Variants in ASIC2 observed in about 807,000 individuals in gnomAD.
ASIC2 encodes the protein acid-sensing ion channel 2.
ASIC2 carries 25 observed loss-of-function variants against 57.3 expected under a neutral mutation model. That is an observed-to-expected ratio of 0.44 (90% CI 0.32 to 0.61). The LOEUF (loss-of-function observed/expected upper bound fraction) is 0.61. ASIC2 is among the 20% of genes least tolerant of loss of function. The pLI, the probability that ASIC2 is intolerant of heterozygous loss-of-function variation, is 0.06. For synonymous variants in ASIC2, 319 were observed against 307.5 expected (o/e 1.04, Z -0.39); for missense variants, 641 against 738.1 (o/e 0.87, Z 1.52).
intron 1 of ASIC2, among the ~76,000 whole-genome samples, chr17:33,836,370 T>C (rs1913275477): frequency 6.6e-6 from 1 of 151,836 alleles, no homozygotes; most frequent in African/African-American, 2.4e-5. Flanking sequence ...TTTTTAGAGA[T>C]GGGATTTCAC....
At chr17:33,987,654 TAACCAACC>T (rs61329146) in intron 1 of ASIC2, among the ~76,000 whole-genome samples, 1 of 151,502 alleles carries the variant, frequency 6.6e-6, no homozygotes, top group Non-Finnish European at 1.5e-5. Flanking sequence ...ACCAACCAAC[TAACCAACC>T]AACCAACCAA....
In ASIC2 at chr17:33,120,445, TCTC is replaced by T. The variant is rs542955505; in HGVS notation, c.709-8381_709-8379del. ...GGGAACAACAGGCAAATCTTAGTGTTCTCCTTCAATTGTGTGGACAAATGTGTT... is the reference window on the plus strand; with the variant it reads ...GGGAACAACAGGCAAATCTTAGTGTTCTTCAATTGTGTGGACAAATGTGTT... On this transcript the variant is annotated intron_variant, in intron 1 of 9. Coordinates refer to ENST00000225823, the MANE Select transcript of ASIC2 (RefSeq NM_183377.2). Among the ~76,000 whole-genome samples the T allele has an allele frequency of 4.6e-5, 7 of 152,294 alleles. No homozygotes were observed. The East Asian group carries it at 1.2e-3, about 25-fold the overall frequency.
intron 1 of ASIC2, among the ~76,000 whole-genome samples, chr17:34,150,230 C>A (rs1466565902): frequency 6.6e-6 from 1 of 152,058 alleles, no homozygotes; most frequent in African/African-American, 2.4e-5. Flanking sequence ...TTACTGGGGA[C>A]TGGGGAGTGG....
chr17:33,177,329 C>T (rs1379565453), intron 1 of ASIC2, among the ~76,000 whole-genome samples: 2 of 152,174 alleles, frequency 1.3e-5, no homozygotes. Context: ...TCCTATATTA[C>T]TGAGTAAAGA....
intron 1 of ASIC2, among the ~76,000 whole-genome samples, chr17:33,691,359 A>T (rs991079910): frequency 6.6e-6 from 1 of 152,208 alleles, no homozygotes; most frequent in Non-Finnish European, 1.5e-5. Flanking sequence ...GCATGAAAGC[A>T]ACTATTTCCC....
At chr17:33,683,936 G>T (rs1445308713) in intron 1 of ASIC2, among the ~76,000 whole-genome samples, 1 of 152,226 alleles carries the variant, frequency 6.6e-6, no homozygotes, top group African/African-American at 2.4e-5. Flanking sequence ...AGGTCATGAG[G>T]TACTGGGAGC....
At chr17:33,792,535 G>A (rs1414762356) in intron 1 of ASIC2, 1 of 152,016 alleles carries the variant, frequency 6.6e-6, no homozygotes, top group Non-Finnish European at 1.5e-5. Flanking sequence ...CCAAGAAGTG[G>A]GTATTTATGG....
intron 1 of ASIC2, among the ~76,000 whole-genome samples, chr17:33,978,522 T>G (rs1905478618): frequency 6.6e-6 from 1 of 152,148 alleles, no homozygotes; most frequent in Admixed American, 6.5e-5. Context: ...CTATACAGAG[T>G]CTGGAACTGT....
intron 1 of ASIC2, among the ~76,000 whole-genome samples, chr17:33,585,132 G>A (rs958630989): frequency 6.6e-6 from 1 of 152,194 alleles, no homozygotes; most frequent in African/African-American, 2.4e-5. Context: ...TGGGGTGGAA[G>A]GAGAGGGAAA....
intron 2 of ASIC2, among the ~76,000 whole-genome samples, chr17:33,095,742 T>G (rs1038458060): frequency 2.3e-4 from 35 of 152,256 alleles, no homozygotes; most frequent in African/African-American, 8.2e-4. Context: ...CAGCAAAGTC[T>G]GCCTGGACCA....
At chr17:33,156,286 C>T (rs542749846) in intron 1 of ASIC2, among the ~76,000 whole-genome samples, 1 of 151,754 alleles carries the variant, frequency 6.6e-6, no homozygotes, top group Non-Finnish European at 1.5e-5. Context: ...TGCCACTGCA[C>T]CTGGCTAATT....
intron 1 of ASIC2, among the ~76,000 whole-genome samples, chr17:33,120,770 T>C (rs2092299163): frequency 6.6e-6 from 1 of 152,242 alleles, no homozygotes. Context: ...CTGAGGTCTC[T>C]ACTGTCTGTC....
chr17:33,512,791 T>A (rs1385043744), intron 1 of ASIC2, among the ~76,000 whole-genome samples: 1 of 152,148 alleles, frequency 6.6e-6, no homozygotes, highest in Non-Finnish European at 1.5e-5. Context: ...CACCATCATC[T>A]CCAGCAAAAG....
chr17:33,360,975 C>T (rs371368003), intron 1 of ASIC2, among the ~76,000 whole-genome samples: 12 of 152,160 alleles, frequency 7.9e-5, no homozygotes, highest in African/African-American at 2.4e-4. Context: ...AGTGAGCCTG[C>T]CCTGGGTTTG....
intron 3 of ASIC2, among the ~76,000 whole-genome samples, chr17:33,075,843 G>C (rs957086372): frequency 6.6e-6 from 1 of 152,194 alleles, no homozygotes; most frequent in Non-Finnish European, 1.5e-5. Context: ...GTGGAGAAGG[G>C]AGAAGTGACT....
At chr17:34,038,825 A>T in intron 1 of ASIC2, 7 of 1,612,218 alleles carry the variant, frequency 4.3e-6, no homozygotes, top group Non-Finnish European at 1.7e-6. Context: ...GGCCTGACCC[A>T]TGGCAGGAGG....
chr17:33,987,651 A>G (rs762102614), intron 1 of ASIC2, among the ~76,000 whole-genome samples: 19 of 151,298 alleles, frequency 1.3e-4, no homozygotes, highest in African/African-American at 4.7e-4. Context: ...CCAACCAACC[A>G]ACTAACCAAC....
chr17:33,999,666 C>T (rs1457861055), intron 1 of ASIC2, among the ~76,000 whole-genome samples: 2 of 152,108 alleles, frequency 1.3e-5, no homozygotes, highest in Non-Finnish European at 2.9e-5. Context: ...CCTTTTCTCA[C>T]ATTTTATGTT....
intron 1 of ASIC2, among the ~76,000 whole-genome samples, chr17:34,058,720 G>A (rs550848403): frequency 3.0e-4 from 46 of 152,182 alleles, no homozygotes; most frequent in Non-Finnish European, 5.9e-4. Context: ...TTGTGGGAAT[G>A]CAGATACTTA....
Sources: allele counts gnomAD v4.1 joint callset (sites outside exome capture counted in the v4.1 genomes callset), GRCh38; gene constraint gnomAD v4.1.1; transcripts MANE v1.5; gene names NCBI Gene and HGNC (gene_info 2026-07-23, HGNC 2026-07-21).